Variants in NKAIN2 observed in about 807,000 individuals in gnomAD.
NKAIN2 encodes sodium/potassium transporting ATPase interacting 2, also known as sodium/potassium-transporting ATPase subunit beta-1-interacting protein 2.
Under a neutral mutation model 32.6 loss-of-function variants are expected in NKAIN2, and 14 were observed. The ratio of observed to expected loss-of-function variants is 0.43; its 90% CI spans 0.28 to 0.67. NKAIN2 has a LOEUF of 0.67. NKAIN2 is among the 30% of genes least tolerant of loss of function. NKAIN2 has a pLI of 0.17. For synonymous variants in NKAIN2, 80 were observed against 87.2 expected, an observed-to-expected ratio of 0.92 and a Z score of 0.46; for missense variants, 198 against 258.3, an observed-to-expected ratio of 0.77 and a Z score of 1.60.
chr6:123,874,915 A>ATG (rs1462163713), intron 1 of NKAIN2, among the ~76,000 whole-genome samples: 22 of 151,838 alleles, frequency 1.4e-4, no homozygotes, highest in African/African-American at 4.4e-4. Flanking sequence ...ATACATATAT[A>ATG]TATGTGTGTG....
intron 3 of NKAIN2, among the ~76,000 whole-genome samples, chr6:124,427,003 A>G (rs1213433525): frequency 6.6e-6 from 1 of 152,190 alleles, no homozygotes; most frequent in East Asian, 1.9e-4. Context: ...GCCCAGTCTC[A>G]GGCATGTCTT....
rs1776537833 is a variant in NKAIN2 at position 123,936,933 on chromosome 6, A to G, written c.54+132679A>G. The stretch of plus-strand genomic sequence containing the variant: ...ACCTCTTCAATACAAATGGGCATTC[A>G]TTACTGAAATCTGGCCATAAGTAAA... On this transcript the variant is annotated intron_variant, in intron 1 of 6. Coordinates refer to ENST00000368417, the MANE Select transcript of NKAIN2 (RefSeq NM_001040214.3). 2.0e-5 allele frequency among the ~76,000 whole-genome samples: 3 copies of G among 152,124 alleles called. No individual in the cohort carries two copies. The South Asian group carries it at 6.2e-4, about 31-fold the overall frequency.
At chr6:124,303,781 A>G (rs556406367) in intron 2 of NKAIN2, among the ~76,000 whole-genome samples, 2 of 152,356 alleles carry the variant, frequency 1.3e-5, no homozygotes, top group South Asian at 4.1e-4. Context: ...AAGAAAAATT[A>G]TCAGACCTGC....
At chr6:124,203,719 A>C (rs888148591) in intron 1 of NKAIN2, among the ~76,000 whole-genome samples, 2 of 151,822 alleles carry the variant, frequency 1.3e-5, no homozygotes, top group Non-Finnish European at 2.9e-5. Flanking sequence ...GTATCTTGAA[A>C]AGATCATAGT....
intron 3 of NKAIN2, among the ~76,000 whole-genome samples, chr6:124,511,066 T>C (rs1778692176): frequency 6.6e-6 from 1 of 152,168 alleles, no homozygotes; most frequent in South Asian, 2.1e-4. Context: ...TTGACATTAC[T>C]AGTTTCAAAT....
intron 1 of NKAIN2, among the ~76,000 whole-genome samples, chr6:123,921,859 A>G (rs1322934947): frequency 2.0e-5 from 3 of 151,972 alleles, no homozygotes. Flanking sequence ...TGAACCAAGG[A>G]GGCGGAGCTT....
chr6:124,658,582 C>T, intron 4 of NKAIN2, 196 bp downstream of exon 4: 1 of 1,322,966 alleles, frequency 7.6e-7, no homozygotes, highest in Non-Finnish European at 1.0e-6. Context: ...TTTTCTTCGA[C>T]AATTAGTAAA....
At chr6:123,955,760 G>C (rs540652448) in intron 1 of NKAIN2, among the ~76,000 whole-genome samples, 6 of 151,842 alleles carry the variant, frequency 4.0e-5, no homozygotes, top group African/African-American at 1.4e-4. Flanking sequence ...TGAGTATCTG[G>C]GACTGCAAGC....
intron 1 of NKAIN2, among the ~76,000 whole-genome samples, chr6:123,917,462 T>C (rs1907058): frequency 0.29 from 44,671 of 152,040 alleles, 7,373 homozygotes; most frequent in Middle Eastern, 0.43. Flanking sequence ...TTAAATAAAC[T>C]TACATTCTGT....
chr6:123,989,539 A>T (rs1779324956), intron 1 of NKAIN2, among the ~76,000 whole-genome samples: 1 of 152,196 alleles, frequency 6.6e-6, no homozygotes. Flanking sequence ...AGCATGTATA[A>T]AATAAATGGG....
intron 1 of NKAIN2, among the ~76,000 whole-genome samples, chr6:124,227,316 A>G (rs1374582795): frequency 6.6e-6 from 1 of 152,082 alleles, no homozygotes; most frequent in Non-Finnish European, 1.5e-5. Context: ...AGCTTTTTCT[A>G]TGAAATGGTT....
intron 1 of NKAIN2, among the ~76,000 whole-genome samples, chr6:123,976,330 C>CAT (rs1226961918): frequency 5.8e-5 from 2 of 34,652 alleles, no homozygotes; most frequent in Non-Finnish European, 1.1e-4. Context: ...TATATGTTCC[C>CAT]ATATATATAT....
intron 4 of NKAIN2, among the ~76,000 whole-genome samples, chr6:124,758,380 G>T (rs941851773): frequency 6.6e-6 from 1 of 152,128 alleles, no homozygotes; most frequent in Non-Finnish European, 1.5e-5. Context: ...CTTCCGCCCT[G>T]TGAGGGCACA....
chr6:124,319,939 A>G (rs1225513352), intron 2 of NKAIN2, among the ~76,000 whole-genome samples: 1 of 152,156 alleles, frequency 6.6e-6, no homozygotes, highest in Non-Finnish European at 1.5e-5. Flanking sequence ...GCCATAAATT[A>G]AGCCACAGTT....
At chr6:124,186,267 A>G (rs907933832) in intron 1 of NKAIN2, among the ~76,000 whole-genome samples, 1 of 152,074 alleles carries the variant, frequency 6.6e-6, no homozygotes. Flanking sequence ...AAAAGAAAAG[A>G]AAAGGAGAAA....
chr6:123,873,399 A>T (rs184897573), intron 1 of NKAIN2, among the ~76,000 whole-genome samples: 22 of 152,322 alleles, frequency 1.4e-4, no homozygotes, highest in African/African-American at 4.3e-4. Context: ...AAAGTTATTC[A>T]GGGCCAAATA....
chr6:123,956,803 G>A (rs1460500050), intron 1 of NKAIN2, among the ~76,000 whole-genome samples: 1 of 152,196 alleles, frequency 6.6e-6, no homozygotes, highest in Non-Finnish European at 1.5e-5. Flanking sequence ...AAATGATATA[G>A]CATTTGTTGC....
intron 4 of NKAIN2, among the ~76,000 whole-genome samples, chr6:124,723,424 ATATTTT>A (rs71995839): frequency 0.55 from 82,746 of 151,194 alleles, 22,986 homozygotes; most frequent in East Asian, 0.71. Flanking sequence ...GCACTGGCAA[ATATTTT>A]TATTTTTATC....
chr6:123,871,122 C>T (rs148102554), intron 1 of NKAIN2, among the ~76,000 whole-genome samples: 5 of 152,208 alleles, frequency 3.3e-5, no homozygotes, highest in African/African-American at 9.6e-5. Flanking sequence ...TGTCCAGTTT[C>T]GATGTCCCTA....
Sources: gnomAD v4.1 joint callset for allele counts (sites outside exome capture counted in the v4.1 genomes callset) on GRCh38, gnomAD v4.1.1 for gene constraint, MANE v1.5 for transcripts, NCBI Gene and HGNC (gene_info 2026-07-23, HGNC 2026-07-21) for gene names.